The following TBCD variants were observed in gnomAD, a reference collection of about 807,000 sequenced individuals.
The protein encoded by TBCD is tubulin-specific chaperone D.
A neutral mutation model predicts 169.3 loss-of-function variants in TBCD; 105 were observed. The ratio of observed to expected loss-of-function variants is 0.62; its 90% CI spans 0.53 to 0.73. The LOEUF is 0.73. Among genes scored for constraint, TBCD ranks in the 30% least tolerant of loss-of-function variants. TBCD has a pLI of 0.00. For synonymous variants in TBCD, 700 were observed against 643.9 expected (o/e 1.09, Z -1.32); for missense variants, 1,444 against 1,600.1 (o/e 0.90, Z 1.66).
rs2061501462 is a variant in TBCD at position 82,922,886 on chromosome 17, A to T, written c.2179-766A>T. ...GTGTGGTCACGAGAGGCTCCTCCGT[A>T]GGTGGCAGAGGTGGGGGTTCGAGGA... On this transcript the variant is annotated intron_variant, in intron 25 of 38. Transcript: ENST00000355528. The surrounding 1 kb of genome is among the most constrained non-coding windows in gnomAD (Gnocchi z 4.1). Among the ~76,000 whole-genome samples the T allele has an allele frequency of 1.3e-5, 2 of 152,244 alleles. No homozygotes were observed. The highest frequency in any genetic ancestry group is 2.9e-5 in the Non-Finnish European group (2 of 68,038).
At chr17:82,862,057 G>A (rs1444590759) in intron 13 of TBCD, among the ~76,000 whole-genome samples, 1 of 152,004 alleles carries the variant, frequency 6.6e-6, no homozygotes, top group African/African-American at 2.4e-5. Flanking sequence ...TGAGTAGCTG[G>A]GACTACAGGC....
At chr17:82,841,384 C>T in intron 13 of TBCD, among the ~76,000 whole-genome samples, 1 of 151,342 alleles carries the variant, frequency 6.6e-6, no homozygotes, top group Non-Finnish European at 1.5e-5. Flanking sequence ...GTGGTGCGAT[C>T]ACGGTTCACT....
At chr17:82,808,840 A>G (rs1281116847) in intron 11 of TBCD, among the ~76,000 whole-genome samples, 108 of 105,388 alleles carry the variant, frequency 1.0e-3, no homozygotes, top group Admixed American at 5.7e-3. Context: ...GAAGGGATGA[A>G]GCAGGTGGAG....
intron 33 of TBCD, among the ~76,000 whole-genome samples, chr17:82,931,698 G>A (rs955075800): frequency 7.9e-5 from 12 of 152,190 alleles, no homozygotes; most frequent in African/African-American, 2.9e-4. Flanking sequence ...CCTCTCTGTG[G>A]GCTGCGGAGC....
intron 7 of TBCD, among the ~76,000 whole-genome samples, chr17:82,791,582 T>A (rs1007281082): frequency 6.6e-6 from 1 of 152,182 alleles, no homozygotes; most frequent in African/African-American, 2.4e-5. Context: ...GTCCCTGTCA[T>A]GCAAAGATGG....
intron 38 of TBCD, 77 bp downstream of exon 38, chr17:82,941,560 C>T (rs770681376): frequency 5.2e-6 from 7 of 1,345,450 alleles, no homozygotes; most frequent in Non-Finnish European, 6.1e-6. Flanking sequence ...AGCGGCTGTG[C>T]TTAGCTTCTG....
chr17:82,828,495 A>G (rs956609201), intron 13 of TBCD, among the ~76,000 whole-genome samples: 4 of 143,492 alleles, frequency 2.8e-5, no homozygotes, highest in South Asian at 2.3e-4. Flanking sequence ...CATCCACACA[A>G]TCGAATGCAC....
intron 14 of TBCD, among the ~76,000 whole-genome samples, chr17:82,882,554 G>T (rs190161798): frequency 5.3e-5 from 8 of 152,350 alleles, no homozygotes; most frequent in Admixed American, 6.5e-5. Flanking sequence ...AGAGAGGAGC[G>T]CAGAGAACAT....
chr17:82,788,638 G>A (rs751676328), intron 7 of TBCD, among the ~76,000 whole-genome samples: 2 of 152,162 alleles, frequency 1.3e-5, no homozygotes, highest in African/African-American at 2.4e-5. Flanking sequence ...CCCAGCTCCC[G>A]CTCGGCCCTT....
At chr17:82,836,079 A>G (rs181039352) in intron 13 of TBCD, among the ~76,000 whole-genome samples, 17 of 151,738 alleles carry the variant, frequency 1.1e-4, no homozygotes, top group African/African-American at 4.1e-4. Flanking sequence ...CTGTCTTTCT[A>G]ATTTCCCCCT....
Position 82,920,377 on chromosome 17 carries a change from T to G in TBCD, c.2039-179T>G. The G allele has an allele frequency of 1.6e-6, 1 of 638,300 alleles. No individual in the cohort carries two copies. Among genetic ancestry groups the G allele is most frequent in the African/African-American group, 1.8e-5 (1 of 54,308 alleles). 39.5% of individuals were successfully genotyped at this position (638,300 alleles called of 1,614,324 possible). ...GCTCAGCGGAGGAGGCGTCTTGGGC[T>G]TCTCATGGTGGTTCTGAAATGGTTC... On this transcript the variant is annotated intron_variant, in intron 23 of 38. Transcript: ENST00000355528. The surrounding 1 kb of genome is among the most constrained non-coding windows in gnomAD (Gnocchi z 4.1).
chr17:82,898,343 G>A (rs1350153443), intron 17 of TBCD, among the ~76,000 whole-genome samples: 1 of 144,440 alleles, frequency 6.9e-6, no homozygotes, highest in East Asian at 2.1e-4. Flanking sequence ...GCACGGCTCT[G>A]GGTTTTGGTG....
intron 16 of TBCD, among the ~76,000 whole-genome samples, chr17:82,891,335 T>C (rs1002404273): frequency 6.6e-6 from 1 of 152,196 alleles, no homozygotes; most frequent in African/African-American, 2.4e-5. Flanking sequence ...TTCCCGTGGG[T>C]GCGGGAGTCT....
chr17:82,907,559 A>G (rs2060336650), intron 20 of TBCD, among the ~76,000 whole-genome samples: 1 of 152,250 alleles, frequency 6.6e-6, no homozygotes, highest in South Asian at 2.1e-4. Flanking sequence ...ACAGTAGAAT[A>G]CAAAAATAAT....
Position 82,930,662 on chromosome 17 carries a change from G to A in TBCD, c.3113+19G>A. 1.2e-6 allele frequency: 2 copies of A among 1,613,856 alleles called. No individual in the cohort carries two copies. Among genetic ancestry groups the A allele is most frequent in the South Asian group, 1.1e-5 (1 of 91,078 alleles). On this transcript the variant is annotated intron_variant, in intron 33 of 38. Coordinates refer to ENST00000355528, the MANE Select transcript of TBCD (RefSeq NM_005993.5). The surrounding 1 kb of genome is among the most constrained non-coding windows in gnomAD (Gnocchi z 5.2). ...ATGAGAGGTGAGTGGTGTCTCTTGG[G>A]GCCTCAGAGGCGTGAGTGGTGCTGG...
chr17:82,873,516 C>T (rs554656562), intron 14 of TBCD, among the ~76,000 whole-genome samples: 18 of 152,252 alleles, frequency 1.2e-4, no homozygotes, highest in East Asian at 1.2e-3. Context: ...TGCAACTGTC[C>T]GAACAAATCA....
intron 7 of TBCD, among the ~76,000 whole-genome samples, chr17:82,792,343 G>A (rs2049796747): frequency 7.0e-6 from 1 of 143,838 alleles, no homozygotes; most frequent in African/African-American, 2.6e-5. Flanking sequence ...ATATACACAC[G>A]TGTATACATG....
At chr17:82,757,584 T>C (rs2047469887) in intron 2 of TBCD, among the ~76,000 whole-genome samples, 1 of 148,990 alleles carries the variant, frequency 6.7e-6, no homozygotes, top group South Asian at 2.1e-4. Flanking sequence ...ATCACGTCAC[T>C]GCACTCCAGC....
chr17:82,771,878 C>G (rs908045223), intron 5 of TBCD, among the ~76,000 whole-genome samples: 31 of 151,658 alleles, frequency 2.0e-4, no homozygotes, highest in Admixed American at 6.6e-5. Flanking sequence ...GAGCCGAGAT[C>G]GCGCCACGGC....
Sources: gnomAD v4.1 joint callset for allele counts (sites outside exome capture counted in the v4.1 genomes callset) on GRCh38, gnomAD v4.1.1 for gene constraint, Gnocchi (gnomAD v3.1) non-coding constraint, MANE v1.5 for transcripts, NCBI Gene and HGNC (gene_info 2026-07-23, HGNC 2026-07-21) for gene names.